The following THADA variants were observed in gnomAD, a reference collection of about 807,000 sequenced individuals.
The protein encoded by THADA is tRNA (32-2'-O)-methyltransferase regulator THADA.
In THADA, 213 loss-of-function variants were observed where a neutral mutation model predicts 219.8. The observed-to-expected ratio is 0.97, with a 90% CI of 0.87 to 1.09. THADA has a LOEUF of 1.09. THADA is among the 50% of genes least tolerant of loss of function. The pLI, the probability that THADA is intolerant of heterozygous loss-of-function variation, is 0.00. For synonymous variants in THADA, 1,018 were observed against 828.9 expected, an observed-to-expected ratio of 1.23 and a Z score of -3.92; for missense variants, 2,956 against 2,311.3, an observed-to-expected ratio of 1.28 and a Z score of -5.72.
At chr2:43,399,887 CAA>C in intron 28 of THADA, among the ~76,000 whole-genome samples, 1 of 149,264 alleles carries the variant, frequency 6.7e-6, no homozygotes, top group South Asian at 2.3e-4. Flanking sequence ...AACAAAAAAA[CAA>C]AAAAACAAAA....
chr2:43,583,005 T>C (rs1700622475), intron 7 of THADA, among the ~76,000 whole-genome samples: 1 of 152,196 alleles, frequency 6.6e-6, no homozygotes, highest in African/African-American at 2.4e-5. Flanking sequence ...TCAGTCTTTA[T>C]TCCTCTTCTT....
At chr2:43,341,628 A>C (rs1667072952) in intron 30 of THADA, among the ~76,000 whole-genome samples, 1 of 152,196 alleles carries the variant, frequency 6.6e-6, no homozygotes, top group African/African-American at 2.4e-5. Flanking sequence ...AGGAGTAGCA[A>C]GCTAAGGGGG....
intron 28 of THADA, among the ~76,000 whole-genome samples, chr2:43,418,557 G>T (rs1047713485): frequency 1.3e-5 from 2 of 152,180 alleles, no homozygotes; most frequent in Non-Finnish European, 2.9e-5. Context: ...GTGTGCAGAG[G>T]TAATTGAAAT....
At chr2:43,551,757 A>G (rs1696777410) in intron 19 of THADA, 32 bp downstream of exon 19, 2 of 1,598,132 alleles carry the variant, frequency 1.3e-6, no homozygotes, top group African/African-American at 1.3e-5. Context: ...ATCAAACCAC[A>G]GCACTCTAGC....
In THADA at chr2:43,514,726, T is replaced by TATA. The variant is rs556941437; in HGVS notation, c.3375-5949_3375-5947dup. On this transcript the variant is annotated intron_variant, in intron 22 of 37. Transcript: ENST00000405975. ...AATATATATATAAATATATATTATATATAATATGTATAATATATAATATTT... is the reference window on the plus strand; with the variant it reads ...AATATATATATAAATATATATTATATATAATAATATGTATAATATATAATATTT... Among the ~76,000 whole-genome samples, 608 of 73,420 alleles carry TATA rather than the reference T, an allele frequency of 8.3e-3. 77 individuals are homozygous for TATA. Among genetic ancestry groups the TATA allele is most frequent in the African/African-American group, 0.038 (566 of 14,704 alleles). 48.2% of individuals were successfully genotyped at this position (73,420 alleles called of 152,430 possible).
Position 43,300,593 on chromosome 2 carries a change from C to T in THADA, c.4439-7380G>A, listed in dbSNP as rs569341848. Among the ~76,000 whole-genome samples, 14 of 152,228 alleles carry T rather than the reference C, an allele frequency of 9.2e-5. No homozygotes were observed. The South Asian group carries it at 2.9e-3, about 32-fold the overall frequency. ...ATTTAAGGTGGGCCCTGAGGCTGCA[C>T]AGGAACCTTGCTGGGAGAGGAGAGG... is the stretch of plus-strand genomic sequence containing the variant. On this transcript the variant is annotated intron_variant, in intron 31 of 37. Transcript: ENST00000405975.
intron 26 of THADA, among the ~76,000 whole-genome samples, chr2:43,480,628 G>A (rs976819621): frequency 1.3e-5 from 2 of 151,920 alleles, no homozygotes; most frequent in South Asian, 2.1e-4. Context: ...GGCCAATGTA[G>A]TGAAACCCCA....
At chr2:43,288,767 T>C (rs1037519815) in intron 34 of THADA, among the ~76,000 whole-genome samples, 3 of 152,244 alleles carry the variant, frequency 2.0e-5, no homozygotes, top group African/African-American at 7.2e-5. Context: ...CTTCAGCTCC[T>C]TGTTTTTAAT....
At chr2:43,475,236 C>T (rs1266662337) in intron 26 of THADA, among the ~76,000 whole-genome samples, 1 of 151,670 alleles carries the variant, frequency 6.6e-6, no homozygotes, top group African/African-American at 2.4e-5. Flanking sequence ...GGGCAAATGG[C>T]GAAACCCGGT....
At chr2:43,288,929 C>T (rs1361132674) in intron 34 of THADA, among the ~76,000 whole-genome samples, 1 of 152,190 alleles carries the variant, frequency 6.6e-6, no homozygotes, top group East Asian at 1.9e-4. Flanking sequence ...AGAAACTCTG[C>T]ACCCTTTATC....
At chr2:43,453,481 T>G (rs950630055) in intron 26 of THADA, among the ~76,000 whole-genome samples, 6 of 152,236 alleles carry the variant, frequency 3.9e-5, no homozygotes, top group Non-Finnish European at 5.9e-5. Flanking sequence ...CTGGAATAAG[T>G]ATAACTCATT....
At chr2:43,468,176 T>C (rs904673445) in intron 26 of THADA, among the ~76,000 whole-genome samples, 14 of 152,258 alleles carry the variant, frequency 9.2e-5, no homozygotes, top group Admixed American at 2.6e-4. Context: ...ACACGGTGAC[T>C]AAACATGAAT....
chr2:43,456,987 T>C (rs1001566356), intron 26 of THADA, among the ~76,000 whole-genome samples: 1 of 152,202 alleles, frequency 6.6e-6, no homozygotes, highest in African/African-American at 2.4e-5. Context: ...GCATTCTGAA[T>C]ACATTAACAC....
In THADA at chr2:43,498,893, A is replaced by C. The variant is rs748853427; in HGVS notation, c.3684T>G (p.Ile1228Met). 17 of 1,609,938 alleles carry C rather than the reference A, an allele frequency of 1.1e-5. No individual in the cohort carries two copies. In the African/African-American group the frequency reaches 2.1e-4, roughly 20 times the overall value. Residue 1228 changes from isoleucine to methionine, a missense_variant, in exon 25 of 38, where the codon ATT (isoleucine) becomes ATG (methionine). Transcript: ENST00000405975. ...FRDTRLGENI[I>M]PYVADGAKAA... ...CCTTAGCTCCATCAGCAACATAAGG[A>C]ATAATATTTTCTCCCAGGCGCGTAT...
chr2:43,242,160 C>A (rs1469064815), intron 36 of THADA, among the ~76,000 whole-genome samples: 2 of 152,230 alleles, frequency 1.3e-5, no homozygotes, highest in Non-Finnish European at 2.9e-5. Context: ...CTGAGGGGGG[C>A]ACTTCATGGC....
At chr2:43,484,605 C>T (rs2105010454) in intron 26 of THADA, among the ~76,000 whole-genome samples, 1 of 152,174 alleles carries the variant, frequency 6.6e-6, no homozygotes, top group African/African-American at 2.4e-5. Context: ...AGATCTTGTG[C>T]ATTTTTATCT....
Position 43,574,738 on chromosome 2 carries a change from T to C in THADA, c.1327A>G (p.Ser443Gly). ...PDPFFVELTE[S>G]LLRLEWHIKG... is the part of the protein sequence containing the mutation. ...ATATGCCATTCCAATCGTAAAAGACTCTCAGTCAATTCCACAAAGAAAGGA... is the reference window on the plus strand; with the variant it reads ...ATATGCCATTCCAATCGTAAAAGACCCTCAGTCAATTCCACAAAGAAAGGA... The change falls in exon 11 of 38, where the codon AGT becomes GGT. Residue 443 changes from serine to glycine, a missense_variant. Transcript: ENST00000405975. 1 of 1,614,008 alleles carries C rather than the reference T, an allele frequency of 6.2e-7. No individual in the cohort carries two copies. Among genetic ancestry groups the C allele is most frequent in the South Asian group, 1.1e-5 (1 of 91,092 alleles).
chr2:43,230,852 GGGATAA>G lies in THADA; in HGVS notation c.*90_*95del, dbSNP rs1234670508. 3.0e-5 allele frequency: 41 copies of G among 1,378,610 alleles called. No individual in the cohort carries two copies. The highest frequency in any genetic ancestry group is 3.4e-5 in the Non-Finnish European group (35 of 1,025,010). The allele number at this position is 1,378,610 out of a possible 1,614,324, so 85.4% of individuals were successfully genotyped here. ...TCACAGAAGTAGGGGAGGCATGAAT[GGGATAA>G]AATTTTTGAATTTATGTTCAACATG... On this transcript the variant is annotated 3_prime_UTR_variant, in exon 38 of 38. Transcript: ENST00000405975.
chr2:43,308,507 C>G (rs897029014), intron 31 of THADA, among the ~76,000 whole-genome samples: 1 of 151,976 alleles, frequency 6.6e-6, no homozygotes, highest in Non-Finnish European at 1.5e-5. Flanking sequence ...GAATTCAAAA[C>G]CAATCTGGGC....
Sources: gnomAD v4.1 joint callset for allele counts (sites outside exome capture counted in the v4.1 genomes callset) on GRCh38, gnomAD v4.1.1 for gene constraint, MANE v1.5 for transcripts, NCBI Gene and HGNC (gene_info 2026-07-23, HGNC 2026-07-21) for gene names.